CACUL1: variants seen among roughly 807,000 people sequenced by gnomAD.
CACUL1 encodes the protein CDK2 associated cullin domain 1.
Under a neutral mutation model 45.2 loss-of-function variants are expected in CACUL1, and 13 were observed. The ratio of observed to expected loss-of-function variants is 0.29; its 90% CI spans 0.19 to 0.46. CACUL1 has a LOEUF of 0.46. Ranked by LOEUF, CACUL1 falls within the 20% of genes least tolerant of loss-of-function variation. CACUL1 has a pLI of 1.00. For missense variants in CACUL1, 421 were observed against 471.4 expected (o/e 0.89, Z 0.99); for synonymous variants, 197 against 174.2 (o/e 1.13, Z -1.03).
chr10:118,688,173 G>A (rs1046158420), intron 7 of CACUL1, among the ~76,000 whole-genome samples: 3 of 152,174 alleles, frequency 2.0e-5, no homozygotes, highest in Admixed American at 1.3e-4. Flanking sequence ...ACCTCTGAAG[G>A]GTTTTTCTGT....
rs533438334 is a variant in CACUL1, at chr10:118,737,040, G to A, written c.368-6630C>T. ...TGATGTTCCCACAGTGTACAAAATC[G>A]CCTAACAAAACAATTCTCAGAATTC... is the stretch of plus-strand genomic sequence containing the variant. On this transcript the variant is annotated intron_variant, in intron 1 of 8. Coordinates refer to ENST00000369151, the MANE Select transcript of CACUL1 (RefSeq NM_153810.5). Among the ~76,000 whole-genome samples the A allele has an allele frequency of 4.0e-5, 6 of 150,358 alleles. No homozygotes were observed. In the South Asian group the frequency reaches 8.4e-4, roughly 21 times the overall value.
intron 1 of CACUL1, among the ~76,000 whole-genome samples, chr10:118,741,045 G>C (rs1845788108): frequency 6.6e-6 from 1 of 152,026 alleles, no homozygotes; most frequent in African/African-American, 2.4e-5. Flanking sequence ...GATAAATTAA[G>C]CAGTAACAAT....
At chr10:118,741,675 CTT>C (rs900508962) in intron 1 of CACUL1, among the ~76,000 whole-genome samples, 2 of 152,162 alleles carry the variant, frequency 1.3e-5, no homozygotes, top group African/African-American at 2.4e-5. Flanking sequence ...ATCTCCATCT[CTT>C]GTCTAGATTA....
intron 3 of CACUL1, among the ~76,000 whole-genome samples, chr10:118,718,465 G>A (rs1845567937): frequency 1.3e-5 from 2 of 152,182 alleles, no homozygotes; most frequent in African/African-American, 2.4e-5. Context: ...ACACAGCAAT[G>A]CCCATTGTTT....
chr10:118,700,696 G>A (rs1442181268), intron 5 of CACUL1, among the ~76,000 whole-genome samples: 3 of 137,882 alleles, frequency 2.2e-5, no homozygotes, highest in Non-Finnish European at 3.0e-5. Flanking sequence ...CAGTCTAGGC[G>A]ACAGAGCGAG....
Position 118,703,771 on chromosome 10 carries a change from G to A in CACUL1, c.694-2363C>T, listed in dbSNP as rs571993066. Among the ~76,000 whole-genome samples the A allele has an allele frequency of 1.3e-4, 20 of 152,004 alleles. No individual in the cohort carries two copies. The South Asian group carries it at 2.5e-3, about 19-fold the overall frequency. ...ATTTCACTAACTAAAGTAAGTTAGC[G>A]GAAAAAAAGTTATTTTATTTCTTAA... is the stretch of plus-strand genomic sequence containing the variant. On this transcript the variant is annotated intron_variant, in intron 4 of 8. Coordinates refer to ENST00000369151, the MANE Select transcript of CACUL1 (RefSeq NM_153810.5).
chr10:118,689,957 T>C (rs556655458), intron 7 of CACUL1, among the ~76,000 whole-genome samples: 4 of 152,330 alleles, frequency 2.6e-5, no homozygotes, highest in Non-Finnish European at 5.9e-5. Context: ...TTCAGAATTA[T>C]GGTAAGCCTA....
intron 1 of CACUL1, among the ~76,000 whole-genome samples, chr10:118,753,568 C>G (rs1171364390): frequency 6.6e-6 from 1 of 152,216 alleles, no homozygotes; most frequent in African/African-American, 2.4e-5. Context: ...ACATTCTTTT[C>G]CTAGCTATGG....
intron 6 of CACUL1, chr10:118,692,355 A>G (rs538058680): frequency 3.2e-4 from 48 of 152,362 alleles, no homozygotes; most frequent in African/African-American, 1.1e-3. Flanking sequence ...AAACACTTGC[A>G]CCAGATATGA....
intron 4 of CACUL1, among the ~76,000 whole-genome samples, chr10:118,703,173 A>G (rs1464253665): frequency 1.3e-5 from 2 of 152,304 alleles, no homozygotes; most frequent in East Asian, 3.9e-4. Context: ...GAAAGCATGC[A>G]AAAGAGTATG....
At chr10:118,741,314 ATTGAAATTAAATTT>A (rs529502009) in intron 1 of CACUL1, among the ~76,000 whole-genome samples, 1 of 152,330 alleles carries the variant, frequency 6.6e-6, no homozygotes, top group Non-Finnish European at 1.5e-5. Flanking sequence ...AAGCAAATCT[ATTGAAATTAAATTT>A]TTGTTTCAGG....
At chr10:118,721,058 T>C (rs1845595033) in intron 3 of CACUL1, among the ~76,000 whole-genome samples, 1 of 152,252 alleles carries the variant, frequency 6.6e-6, no homozygotes, top group Non-Finnish European at 1.5e-5. Context: ...TAAAATCTTA[T>C]TCACTTTAGC....
chr10:118,694,789 A>C (rs1284086796), intron 6 of CACUL1: 2 of 190,542 alleles, frequency 1.0e-5, no homozygotes, highest in Admixed American at 5.3e-5. Flanking sequence ...AGGCCTAAGA[A>C]GACGGGGTTG....
chr10:118,685,031 G>C lies in CACUL1; in HGVS notation c.*1097C>G, dbSNP rs1564826560. On this transcript the variant is annotated 3_prime_UTR_variant, in exon 9 of 9. Transcript: ENST00000369151. The stretch of plus-strand genomic sequence containing the variant: ...TGGAAGGGAGCCTTAGGACAGCAGT[G>C]CTACTTCTTCCCTATCACACTCAAA... The C allele has an allele frequency of 6.6e-6, 1 of 152,170 alleles. No individual in the cohort carries two copies. The highest frequency in any genetic ancestry group is 1.5e-5 in the Non-Finnish European group (1 of 68,044). 9.4% of individuals were successfully genotyped at this position (152,170 alleles called of 1,614,324 possible).
chr10:118,751,753 A>G (rs894087142), intron 1 of CACUL1, among the ~76,000 whole-genome samples: 3 of 152,234 alleles, frequency 2.0e-5, no homozygotes, highest in African/African-American at 4.8e-5. Flanking sequence ...TTTTGACGTC[A>G]TTTAAACTGA....
chr10:118,690,889 TACAAA>T (rs1435854383), intron 7 of CACUL1, among the ~76,000 whole-genome samples: 1 of 152,048 alleles, frequency 6.6e-6, no homozygotes, highest in African/African-American at 2.4e-5. Flanking sequence ...CTACTAAAAA[TACAAA>T]ACAATTAGCC....
rs1233996814 is a variant in CACUL1, at chr10:118,684,056, T to TATTAATA, written c.*2065_*2071dup. 6.5e-6 allele frequency: 1 copy of TATTAATA among 152,680 alleles called. No individual in the cohort carries two copies. Among genetic ancestry groups the TATTAATA allele is most frequent in the Non-Finnish European group, 1.5e-5 (1 of 68,050 alleles). The allele number at this position is 152,680 out of a possible 1,614,324, so 9.5% of individuals were successfully genotyped here. On this transcript the variant is annotated 3_prime_UTR_variant, in exon 9 of 9. Coordinates refer to ENST00000369151, the MANE Select transcript of CACUL1 (RefSeq NM_153810.5). ...TGCAAACTTTACTTTGCCCACTTTT[T>TATTAATA]ATTAATACATACATAGTAAAAAGAA...
intron 3 of CACUL1, 26 bp from the exon 4 acceptor site, chr10:118,707,613 C>A: frequency 1.8e-6 from 2 of 1,109,492 alleles, no homozygotes; most frequent in South Asian, 2.8e-5. Context: ...GAAGTGTGAT[C>A]AATCTGGGAA....
At position 118,695,244 on chromosome 10, in the gene CACUL1, A is replaced by T. The variant is rs201261327; in HGVS notation, c.797-14T>A. 4.0e-5 allele frequency: 58 copies of T among 1,466,760 alleles called. No individual in the cohort carries two copies. The Admixed American group carries it at 7.5e-4, about 19-fold the overall frequency. The allele number at this position is 1,466,760 out of a possible 1,614,324, so 90.9% of individuals were successfully genotyped here. ...CTAAAAGTAAAGCTGAAATAAGAAA[A>T]CAGGTTAAAAAGAATGTAACACATA... On this transcript the variant is annotated splice_polypyrimidine_tract_variant and intron_variant, in intron 5 of 8. Transcript: ENST00000369151.
Sources: allele counts gnomAD v4.1 joint callset (sites outside exome capture counted in the v4.1 genomes callset), GRCh38; gene constraint gnomAD v4.1.1; transcripts MANE v1.5; gene names NCBI Gene and HGNC (gene_info 2026-07-23, HGNC 2026-07-21).